KIAA1328: variants seen among roughly 807,000 people sequenced by gnomAD.
KIAA1328 encodes the protein protein hinderin.
KIAA1328 carries 52 observed loss-of-function variants against 68.1 expected under a neutral mutation model. That is an observed-to-expected ratio of 0.76 (90% confidence interval 0.61 to 0.96). KIAA1328 has a LOEUF of 0.96. Among genes scored for constraint, KIAA1328 ranks in the 40% least tolerant of loss-of-function variants. The probability of loss-of-function intolerance (pLI) is 0.00; values close to 1 mark genes in which losing one functional copy is unlikely to be tolerated. For missense variants in KIAA1328, 641 were observed against 677.6 expected (o/e 0.95, Z 0.60); for synonymous variants, 232 against 239.4 (o/e 0.97, Z 0.28).
At chr18:37,072,709 T>A (rs1204978349) in intron 7 of KIAA1328, among the ~76,000 whole-genome samples, 1 of 152,110 alleles carries the variant, frequency 6.6e-6, no homozygotes, top group Non-Finnish European at 1.5e-5. Flanking sequence ...ATTACATAGG[T>A]ATACGGGTAC....
At chr18:37,216,912 T>G (rs1434332232) in intron 9 of KIAA1328, among the ~76,000 whole-genome samples, 1 of 151,116 alleles carries the variant, frequency 6.6e-6, no homozygotes, top group Non-Finnish European at 1.5e-5. Flanking sequence ...TTTTTTTTTT[T>G]TTTTGTCTTT....
intron 9 of KIAA1328, among the ~76,000 whole-genome samples, chr18:37,181,701 A>G (rs2059701506): frequency 6.6e-6 from 1 of 152,202 alleles, no homozygotes; most frequent in African/African-American, 2.4e-5. Context: ...GGGAAAATGT[A>G]CATTACAACA....
chr18:36,898,627 T>TC (rs1445700140), intron 5 of KIAA1328, among the ~76,000 whole-genome samples: 2 of 152,018 alleles, frequency 1.3e-5, no homozygotes, highest in Non-Finnish European at 2.9e-5. Flanking sequence ...CATATAAAAC[T>TC]CATCTGCTGC....
intron 4 of KIAA1328, among the ~76,000 whole-genome samples, chr18:36,867,221 A>G (rs2047784487): frequency 6.6e-6 from 1 of 152,170 alleles, no homozygotes; most frequent in South Asian, 2.1e-4. Context: ...TGTTCTCACT[A>G]TCATGAGAAA....
rs561887158 is a variant in KIAA1328, at chr18:36,952,184, G to A, written c.449-7124G>A. ...TGGTGATTTCTCAGCCAGGGGTACT[G>A]CACAGCCTACCTACCTGGTACATCT... On this transcript the variant is annotated intron_variant, in intron 5 of 9. Transcript: ENST00000280020. 3.9e-5 allele frequency among the ~76,000 whole-genome samples: 6 copies of A among 152,178 alleles called. 1 individual carries two copies. The South Asian group carries it at 1.2e-3, about 32-fold the overall frequency.
intron 7 of KIAA1328, among the ~76,000 whole-genome samples, chr18:37,153,546 A>G (rs2059085502): frequency 6.6e-6 from 1 of 151,936 alleles, no homozygotes; most frequent in Admixed American, 6.6e-5. Flanking sequence ...CTATATATAG[A>G]AATGACTATA....
intron 5 of KIAA1328, among the ~76,000 whole-genome samples, chr18:36,898,673 T>C (rs1432872373): frequency 6.6e-6 from 1 of 151,992 alleles, no homozygotes; most frequent in Admixed American, 6.6e-5. Context: ...CGCCGCAGAT[T>C]ATAGGGAGCC....
chr18:36,924,134 G>C (rs1736761365), intron 5 of KIAA1328, among the ~76,000 whole-genome samples: 1 of 152,046 alleles, frequency 6.6e-6, no homozygotes, highest in Admixed American at 6.6e-5. Context: ...ATTTGTGTTT[G>C]TTTGGTTTTG....
intron 6 of KIAA1328, among the ~76,000 whole-genome samples, chr18:37,022,230 T>G (rs998971330): frequency 1.3e-5 from 2 of 152,120 alleles, no homozygotes; most frequent in Admixed American, 1.3e-4. Flanking sequence ...CATTTCTCTT[T>G]TAGTCTGATA....
At position 37,027,606 on chromosome 18, in the gene KIAA1328, A is replaced by T. The variant is rs1224308004; in HGVS notation, c.577-39284A>T. Reference sequence around the variant, plus strand: ...GATCTTTGACAAACCTGACAAAAACAAGAAATGGGGAAAGGATTCCCTATT... The same window carrying T: ...GATCTTTGACAAACCTGACAAAAACTAGAAATGGGGAAAGGATTCCCTATT... On this transcript the variant is annotated intron_variant, in intron 6 of 9. Coordinates refer to ENST00000280020, the MANE Select transcript of KIAA1328 (RefSeq NM_020776.3). Among the ~76,000 whole-genome samples, 12 of 152,236 alleles carry T rather than the reference A, an allele frequency of 7.9e-5. No homozygotes were observed. In the East Asian group the frequency reaches 2.3e-3, roughly 29 times the overall value.
intron 9 of KIAA1328, among the ~76,000 whole-genome samples, chr18:37,214,309 T>A (rs1302903221): frequency 6.6e-6 from 1 of 152,102 alleles, no homozygotes; most frequent in Non-Finnish European, 1.5e-5. Context: ...TTTAATCCTT[T>A]TTGAATTAAT....
At chr18:37,161,660 G>C (rs1366707626) in intron 8 of KIAA1328, among the ~76,000 whole-genome samples, 1 of 152,182 alleles carries the variant, frequency 6.6e-6, no homozygotes, top group African/African-American at 2.4e-5. Context: ...AGCTTCCTCT[G>C]TTCTTAGTCA....
intron 1 of KIAA1328, among the ~76,000 whole-genome samples, chr18:36,832,166 A>C (rs907382940): frequency 6.6e-6 from 1 of 152,220 alleles, no homozygotes; most frequent in African/African-American, 2.4e-5. Flanking sequence ...TAATGAGATG[A>C]AAATACATTA....
intron 5 of KIAA1328, among the ~76,000 whole-genome samples, chr18:36,923,039 T>G (rs2049985637): frequency 6.6e-6 from 1 of 152,160 alleles, no homozygotes; most frequent in Non-Finnish European, 1.5e-5. Flanking sequence ...CTTTAATTTT[T>G]TCTTACTTTT....
intron 5 of KIAA1328, among the ~76,000 whole-genome samples, chr18:36,914,271 G>A (rs2049593156): frequency 1.3e-5 from 2 of 152,130 alleles, no homozygotes; most frequent in African/African-American, 2.4e-5. Context: ...GTTCCATAAG[G>A]GAAGGCGCTG....
intron 7 of KIAA1328, chr18:37,084,336 A>T: frequency 2.0e-6 from 1 of 494,874 alleles, no homozygotes; most frequent in Non-Finnish European, 3.2e-6. Flanking sequence ...CAGTTTTGTG[A>T]CCATATGAAT....
At chr18:36,984,237 G>A (rs976474751) in intron 6 of KIAA1328, among the ~76,000 whole-genome samples, 1 of 152,102 alleles carries the variant, frequency 6.6e-6, no homozygotes, top group African/African-American at 2.4e-5. Context: ...ATTCAACATT[G>A]TACTGAAAGT....
At position 37,225,043 on chromosome 18, in the gene KIAA1328, C is replaced by T. The variant is rs2060622280; in HGVS notation, c.*2816C>T. 2 of 985,256 alleles carry T rather than the reference C, an allele frequency of 2.0e-6. No homozygotes were observed. Among genetic ancestry groups the T allele is most frequent in the Admixed American group, 1.2e-4 (2 of 16,264 alleles). The allele number at this position is 985,256 out of a possible 1,614,324, so 61.0% of individuals were successfully genotyped here. ...TGATGGGGACTTTTCTAGAGCACCC[C>T]AAATGTCATGGGGAGAGAGGGACTC... On this transcript the variant is annotated 3_prime_UTR_variant, in exon 10 of 10. Transcript: ENST00000280020.
intron 6 of KIAA1328, among the ~76,000 whole-genome samples, chr18:37,052,272 G>C (rs2055728592): frequency 6.6e-6 from 1 of 152,060 alleles, no homozygotes; most frequent in Non-Finnish European, 1.5e-5. Flanking sequence ...TGCAGAAAAA[G>C]CTTTCAATAA....
Sources: gnomAD v4.1 joint callset for allele counts (sites outside exome capture counted in the v4.1 genomes callset) on GRCh38, gnomAD v4.1.1 for gene constraint, MANE v1.5 for transcripts, NCBI Gene and HGNC (gene_info 2026-07-23, HGNC 2026-07-21) for gene names.